HHAT: variants seen among roughly 807,000 people sequenced by gnomAD.
HHAT encodes protein-cysteine N-palmitoyltransferase HHAT.
Under a neutral mutation model 70.8 loss-of-function variants are expected in HHAT, and 47 were observed. The ratio of observed to expected loss-of-function variants is 0.66; its 90% confidence interval spans 0.53 to 0.85. The LOEUF (loss-of-function observed/expected upper bound fraction) is 0.85. HHAT is among the 40% of genes least tolerant of loss of function. The pLI, the probability that HHAT is intolerant of heterozygous loss-of-function variation, is 0.00. For missense variants in HHAT, 609 were observed against 604.8 expected (o/e 1.01, Z -0.07); for synonymous variants, 228 against 247.6 (o/e 0.92, Z 0.74).
At chr1:210,557,683 A>C (rs894280214) in intron 9 of HHAT, among the ~76,000 whole-genome samples, 1 of 152,168 alleles carries the variant, frequency 6.6e-6, no homozygotes, top group Non-Finnish European at 1.5e-5. Flanking sequence ...CTGATAAACT[A>C]TCAGATCTCA....
chr1:210,515,697 G>A (rs1370660374), intron 9 of HHAT, among the ~76,000 whole-genome samples: 1 of 148,058 alleles, frequency 6.8e-6, no homozygotes, highest in African/African-American at 2.5e-5. Flanking sequence ...GGCAGAGCTT[G>A]CAGTGAGCTG....
At chr1:210,423,494 C>G (rs1042046019) in intron 7 of HHAT, among the ~76,000 whole-genome samples, 2 of 152,114 alleles carry the variant, frequency 1.3e-5, no homozygotes, top group Admixed American at 1.3e-4. Context: ...CAAATATTTT[C>G]TCCTATTCTG....
chr1:210,568,158 A>G (rs1235678181), intron 9 of HHAT, among the ~76,000 whole-genome samples: 1 of 152,228 alleles, frequency 6.6e-6, no homozygotes, highest in Non-Finnish European at 1.5e-5. Context: ...AATCATTCCT[A>G]CATAATGAAG....
chr1:210,455,105 G>T (rs3765837), intron 7 of HHAT, among the ~76,000 whole-genome samples: 9,213 of 152,168 alleles, frequency 0.061, 362 homozygotes, highest in Non-Finnish European at 0.085. Context: ...CTCTTTCTGG[G>T]GCTGACTCTT....
At chr1:210,380,478 T>C (rs2090545694) in intron 3 of HHAT, among the ~76,000 whole-genome samples, 1 of 152,068 alleles carries the variant, frequency 6.6e-6, no homozygotes, top group Non-Finnish European at 1.5e-5. Flanking sequence ...AGGCGGAGGT[T>C]GCAGTGAGCC....
At chr1:210,444,331 G>A (rs1379503214) in intron 7 of HHAT, among the ~76,000 whole-genome samples, 1 of 139,828 alleles carries the variant, frequency 7.2e-6, no homozygotes, top group Admixed American at 7.2e-5. Flanking sequence ...TCTCTGCCTC[G>A]CTTTGGTATC....
chr1:210,545,747 C>G (rs926562020), intron 9 of HHAT, among the ~76,000 whole-genome samples: 1 of 152,066 alleles, frequency 6.6e-6, no homozygotes, highest in East Asian at 1.9e-4. Flanking sequence ...TTAGTCATCA[C>G]TTCTTCCGGA....
At chr1:210,344,273 AT>A in intron 1 of HHAT, among the ~76,000 whole-genome samples, 1 of 48,368 alleles carries the variant, frequency 2.1e-5, no homozygotes, top group South Asian at 6.7e-4. Context: ...AAACTATGTT[AT>A]TGTTTCATTG....
chr1:210,568,080 G>A (rs1655207671), intron 9 of HHAT, among the ~76,000 whole-genome samples: 1 of 152,200 alleles, frequency 6.6e-6, no homozygotes, highest in Admixed American at 6.5e-5. Context: ...GGGACTTTCA[G>A]CCCCATCCCT....
chr1:210,666,622 C>G (rs989383166), intron 11 of HHAT, among the ~76,000 whole-genome samples: 3 of 152,044 alleles, frequency 2.0e-5, no homozygotes, highest in Non-Finnish European at 4.4e-5. Context: ...TAGCTATGAT[C>G]ACAGGTGCAC....
chr1:210,359,414 T>C (rs561545447), intron 2 of HHAT, among the ~76,000 whole-genome samples: 1 of 152,332 alleles, frequency 6.6e-6, no homozygotes, highest in East Asian at 1.9e-4. Flanking sequence ...AACATCACTA[T>C]TGTAAAACCT....
At chr1:210,419,479 C>A (rs986239678) in intron 7 of HHAT, among the ~76,000 whole-genome samples, 1 of 152,294 alleles carries the variant, frequency 6.6e-6, no homozygotes, top group Admixed American at 6.5e-5. Context: ...TTTGAGGACT[C>A]CCGCAGTGGC....
intron 11 of HHAT, among the ~76,000 whole-genome samples, chr1:210,645,210 A>G (rs1293301299): frequency 1.3e-5 from 2 of 152,262 alleles, no homozygotes; most frequent in East Asian, 3.9e-4. Flanking sequence ...TCCCTACCAG[A>G]TACTACCTTC....
At chr1:210,611,670 G>T (rs1229591371) in intron 10 of HHAT, among the ~76,000 whole-genome samples, 1 of 152,024 alleles carries the variant, frequency 6.6e-6, no homozygotes, top group Non-Finnish European at 1.5e-5. Flanking sequence ...ATATTTTGAG[G>T]TATGTTTCTT....
chr1:210,501,522 T>C (rs1185110580), intron 8 of HHAT, among the ~76,000 whole-genome samples: 8 of 152,358 alleles, frequency 5.3e-5, no homozygotes, highest in African/African-American at 1.7e-4. Flanking sequence ...TGGAAGCTGC[T>C]GCTGCTGATC....
At chr1:210,516,902 G>A (rs934612791) in intron 9 of HHAT, among the ~76,000 whole-genome samples, 2 of 152,202 alleles carry the variant, frequency 1.3e-5, no homozygotes, top group South Asian at 4.1e-4. Flanking sequence ...TTCCTTTTAA[G>A]CCTTGGAGTG....
intron 9 of HHAT, among the ~76,000 whole-genome samples, chr1:210,523,275 C>T (rs2095189174): frequency 6.6e-6 from 1 of 152,086 alleles, no homozygotes; most frequent in Non-Finnish European, 1.5e-5. Context: ...GTTTTTTGCC[C>T]CTACCTCACC....
rs1269395595 is a variant in HHAT at position 210,400,481 on chromosome 1, T to G, written c.287T>G (p.Ile96Ser). Residue 96 changes from isoleucine to serine, a missense_variant, in exon 5 of 12, where the codon ATT becomes AGT. Transcript: ENST00000261458. The stretch of plus-strand genomic sequence containing the variant: ...CACCATTTGCAGCACAGACCCTGGA[T>G]TCTCATGCTCTATGGGATGTGGGCC... ...TLLARKHRPW[I>S]LMLYGMWACW... 6.2e-7 allele frequency: 1 copy of G among 1,611,642 alleles called. No homozygotes were observed. Among genetic ancestry groups the G allele is most frequent in the Admixed American group, 1.7e-5 (1 of 59,692 alleles).
chr1:210,583,498 A>C (rs952256667), intron 9 of HHAT, among the ~76,000 whole-genome samples: 5 of 152,220 alleles, frequency 3.3e-5, no homozygotes, highest in Non-Finnish European at 4.4e-5. Context: ...AAAAAAAGAG[A>C]CATGTTTCTG....
Sources: gnomAD v4.1 joint callset for allele counts (sites outside exome capture counted in the v4.1 genomes callset) on GRCh38, gnomAD v4.1.1 for gene constraint, MANE v1.5 for transcripts, NCBI Gene and HGNC (gene_info 2026-07-23, HGNC 2026-07-21) for gene names.